VMA21: variants seen among roughly 807,000 people sequenced by gnomAD.
VMA21 encodes vacuolar ATPase assembly factor VMA21.
For synonymous variants in VMA21, 47 were observed against 34.1 expected, an observed-to-expected ratio of 1.38 and a Z score of -1.32; for missense variants, 61 against 80.6, an observed-to-expected ratio of 0.76 and a Z score of 0.93.
Position 151,397,282 on chromosome X carries a change from G to A in VMA21, c.-27G>A. 8.7e-7 allele frequency: 1 copy of A among 1,153,687 alleles called. No individual in the cohort carries two copies. Among genetic ancestry groups the A allele is most frequent in the Non-Finnish European group, 1.2e-6 (1 of 869,068 alleles). ...GGCCGCCGAGCCCAGCTCCGCCGCC[G>A]AGCGCCTGTGCCGGCACGGCTACAC... On this transcript the variant is annotated 5_prime_UTR_variant, in exon 1 of 3. Coordinates refer to ENST00000330374, the MANE Select transcript of VMA21 (RefSeq NM_001017980.4).
upstream of VMA21, chrX:151,397,189 T>C: frequency 1.2e-6 from 1 of 863,179 alleles, no homozygotes. Flanking sequence ...GAACGGGCAC[T>C]TCCGGCGCGA....
intron 1 of VMA21, among the ~76,000 whole-genome samples, chrX:151,401,411 G>C (rs2011235915): frequency 8.9e-6 from 1 of 112,056 alleles, no homozygotes; most frequent in South Asian, 3.7e-4. Context: ...ATACCATATT[G>C]TTTTGATTAC....
chrX:151,402,168 A>G (rs1391843697), intron 1 of VMA21, among the ~76,000 whole-genome samples: 1 of 111,874 alleles, frequency 8.9e-6, no homozygotes, highest in African/African-American at 3.3e-5. Flanking sequence ...CTACTTGGTC[A>G]TAATATATAA....
rs1179705468 is a variant in VMA21, at chrX:151,406,548, T to C, written c.*1490T>C. The C allele has an allele frequency of 9.1e-6, 1 of 110,048 alleles. No homozygotes were observed. Among genetic ancestry groups the C allele is most frequent in the African/African-American group, 3.3e-5 (1 of 30,159 alleles). 9.1% of individuals were successfully genotyped at this position (110,048 alleles called of 1,213,427 possible). A position where few individuals can be genotyped will look rare whatever the true frequency, so the allele number is the denominator to read the frequency against. ...CTGCCACCACGCCTGGCTAATTTTTTTTTGTATTTTTTTGTAGAGACGGGG... is the reference window on the plus strand; with the variant it reads ...CTGCCACCACGCCTGGCTAATTTTTCTTTGTATTTTTTTGTAGAGACGGGG... On this transcript the variant is annotated 3_prime_UTR_variant, in exon 3 of 3. Coordinates refer to ENST00000330374, the MANE Select transcript of VMA21 (RefSeq NM_001017980.4).
At position 151,405,481 on chromosome X, in the gene VMA21, A is replaced by G. The variant is rs1396340930; in HGVS notation, c.*423A>G. 8.4e-6 allele frequency: 1 copy of G among 119,134 alleles called. No individual in the cohort carries two copies. The highest frequency in any genetic ancestry group is 1.7e-5 in the Non-Finnish European group (1 of 57,979). The allele number at this position is 119,134 out of a possible 1,213,427, so 9.8% of individuals were successfully genotyped here. A position where few individuals can be genotyped will look rare whatever the true frequency, so the allele number is the denominator to read the frequency against. On this transcript the variant is annotated 3_prime_UTR_variant, in exon 3 of 3. Transcript: ENST00000330374. ...TAGCATGAAAATACCAGGTCCTTGG[A>G]TTTGGGATTTTAATTTCCTATGGAA... is the stretch of plus-strand genomic sequence containing the variant.
chrX:151,407,080 G>T lies in VMA21; in HGVS notation c.*2022G>T, dbSNP rs2011300844. 1 of 112,353 alleles carries T rather than the reference G, an allele frequency of 8.9e-6. No individual in the cohort carries two copies. The highest frequency in any genetic ancestry group is 9.4e-5 in the Admixed American group (1 of 10,639). The allele number at this position is 112,353 out of a possible 1,213,427, so 9.3% of individuals were successfully genotyped here. ...CTAATTTCTTTTTATATAATGCCAA[G>T]GTATTTCTTGTGCTTTTGGGATCTT... On this transcript the variant is annotated 3_prime_UTR_variant, in exon 3 of 3. Transcript: ENST00000330374.
chrX:151,399,745 T>G (rs1331903436), intron 1 of VMA21, among the ~76,000 whole-genome samples: 1 of 103,516 alleles, frequency 9.7e-6, no homozygotes, highest in African/African-American at 3.7e-5. Flanking sequence ...TGCTAAAAGA[T>G]GATCCATTTA....
At chrX:151,397,204 C>G (rs1466735667), upstream of VMA21, 1 of 960,350 alleles carries the variant, frequency 1.0e-6, no homozygotes, top group Non-Finnish European at 1.4e-6. Flanking sequence ...GCGCGAACCG[C>G]TACTTCCGGT....
upstream of VMA21, chrX:151,396,819 T>C (rs1422476477): frequency 1.8e-5 from 9 of 509,685 alleles, no homozygotes; most frequent in Non-Finnish European, 3.2e-5. Flanking sequence ...CTCTGGCTGG[T>C]AGTCCCTCTT....
rs775152306 is a variant in VMA21 at position 151,406,313 on chromosome X, A to G, written c.*1255A>G. ...GTTCAAATTCTGCCAGCTTTTCCTG[A>G]CAGCTATTTGCATTTTTTTCAGATG... On this transcript the variant is annotated 3_prime_UTR_variant, in exon 3 of 3. Coordinates refer to ENST00000330374, the MANE Select transcript of VMA21 (RefSeq NM_001017980.4). 1 of 111,971 alleles carries G rather than the reference A, an allele frequency of 8.9e-6. No individual in the cohort carries two copies. The highest frequency in any genetic ancestry group is 2.8e-4 in the East Asian group (1 of 3,569). The allele number at this position is 111,971 out of a possible 1,213,427, so 9.2% of individuals were successfully genotyped here.
In VMA21 at chrX:151,405,884, A is replaced by G. The variant is rs1441518601; in HGVS notation, c.*826A>G. 1 of 112,103 alleles carries G rather than the reference A, an allele frequency of 8.9e-6. No homozygotes were observed. The highest frequency in any genetic ancestry group is 1.9e-5 in the Non-Finnish European group (1 of 53,248). The allele number at this position is 112,103 out of a possible 1,213,427, so 9.2% of individuals were successfully genotyped here. A position where few individuals can be genotyped will look rare whatever the true frequency, so the allele number is the denominator to read the frequency against. On this transcript the variant is annotated 3_prime_UTR_variant, in exon 3 of 3. Coordinates refer to ENST00000330374, the MANE Select transcript of VMA21 (RefSeq NM_001017980.4). Reference sequence around the variant, plus strand: ...TTTTTAAAATTGTAGTGTATATGATAGGAATTTGCATTTAAATATGTTCAT... The same window carrying G: ...TTTTTAAAATTGTAGTGTATATGATGGGAATTTGCATTTAAATATGTTCAT...
intron 2 of VMA21, among the ~76,000 whole-genome samples, 199 bp from the exon 3 acceptor site, chrX:151,404,717 G>A (rs370284330): frequency 1.6e-4 from 18 of 112,175 alleles, no homozygotes; most frequent in African/African-American, 5.5e-4. Context: ...ACTGCACCCG[G>A]CCAACATAAT....
Position 151,402,924 on chromosome X carries a change from C to T in VMA21, c.54-707C>T, listed in dbSNP as rs771122289. On this transcript the variant is annotated intron_variant, in intron 1 of 2. Transcript: ENST00000330374. ...CTTTCCCAGATGCAAGCTCCGATTCCAGCGGGAGAGGGCACACTGCTCCAC... is the reference window on the plus strand; with the variant it reads ...CTTTCCCAGATGCAAGCTCCGATTCTAGCGGGAGAGGGCACACTGCTCCAC... Among the ~76,000 whole-genome samples the T allele has an allele frequency of 4.5e-5, 5 of 111,418 alleles. No homozygotes were observed. In the South Asian group the frequency reaches 1.5e-3, roughly 34 times the overall value.
intron 2 of VMA21, among the ~76,000 whole-genome samples, chrX:151,404,575 C>T (rs954313083): frequency 2.7e-5 from 3 of 109,939 alleles, no homozygotes; most frequent in African/African-American, 6.6e-5. Flanking sequence ...CCTGCCACTA[C>T]GCCTGGCTAA....
chrX:151,396,965 C>G (rs1403455962), upstream of VMA21: 15 of 521,698 alleles, frequency 2.9e-5, no homozygotes, highest in African/African-American at 3.3e-4. Context: ...GCGGCAAGTC[C>G]CGGCTCAACG....
At chrX:151,400,477 C>T (rs2011229417) in intron 1 of VMA21, among the ~76,000 whole-genome samples, 1 of 111,471 alleles carries the variant, frequency 9.0e-6, no homozygotes, top group Non-Finnish European at 1.9e-5. Context: ...AGGTTGTTTT[C>T]AAATCTTGGC....
intron 1 of VMA21, among the ~76,000 whole-genome samples, chrX:151,402,611 TA>T (rs959532988): frequency 2.7e-5 from 3 of 113,117 alleles, no homozygotes; most frequent in Admixed American, 9.3e-5. Flanking sequence ...TGGAGCCTCT[TA>T]AAACGTGTTT....
At chrX:151,400,574 A>G (rs1261100850) in intron 1 of VMA21, among the ~76,000 whole-genome samples, 1 of 111,987 alleles carries the variant, frequency 8.9e-6, no homozygotes. Context: ...ATTCCAGAAG[A>G]GAGATTGCTG....
chrX:151,400,565 T>G (rs1231070474), intron 1 of VMA21, among the ~76,000 whole-genome samples: 1 of 112,343 alleles, frequency 8.9e-6, no homozygotes, highest in Admixed American at 9.4e-5. Context: ...TTTGCTTATA[T>G]TCCAGAAGAG....
Sources: allele counts gnomAD v4.1 joint callset (sites outside exome capture counted in the v4.1 genomes callset), GRCh38; gene constraint gnomAD v4.1.1; transcripts MANE v1.5; gene names NCBI Gene and HGNC (gene_info 2026-07-23, HGNC 2026-07-21).